Variants in CNIH3 observed in about 807,000 individuals in gnomAD.
CNIH3 encodes cornichon family AMPA receptor auxiliary protein 3.
Under a neutral mutation model 24.1 loss-of-function variants are expected in CNIH3, and 14 were observed. That is an observed-to-expected ratio of 0.58 (90% CI 0.38 to 0.91). CNIH3 has a LOEUF of 0.91. Among genes scored for constraint, CNIH3 ranks in the 40% least tolerant of loss-of-function variants. The pLI, the probability that CNIH3 is intolerant of heterozygous loss-of-function variation, is 0.00. For synonymous variants in CNIH3, 68 were observed against 73.8 expected, an observed-to-expected ratio of 0.92 and a Z score of 0.40; for missense variants, 178 against 196.8, an observed-to-expected ratio of 0.90 and a Z score of 0.57.
chr1:224,607,365 A>C (rs748851626), intron 3 of CNIH3, among the ~76,000 whole-genome samples: 4 of 152,224 alleles, frequency 2.6e-5, no homozygotes, highest in Non-Finnish European at 4.4e-5. Flanking sequence ...TTCAATATTT[A>C]AAGGGAAAAG....
chr1:224,555,823 T>C (rs1211691203), intron 3 of CNIH3, among the ~76,000 whole-genome samples: 1 of 152,228 alleles, frequency 6.6e-6, no homozygotes. Flanking sequence ...ACTGACTTTG[T>C]AGGTTCCGCA....
intron 3 of CNIH3, among the ~76,000 whole-genome samples, chr1:224,725,895 G>A (rs570413652): frequency 6.6e-6 from 1 of 152,234 alleles, no homozygotes; most frequent in African/African-American, 2.4e-5. Flanking sequence ...CTCCACCACA[G>A]TAGTAAAAAT....
intron 3 of CNIH3, among the ~76,000 whole-genome samples, chr1:224,701,362 G>A (rs1343554652): frequency 6.6e-6 from 1 of 152,110 alleles, no homozygotes; most frequent in Non-Finnish European, 1.5e-5. Flanking sequence ...AGATTAAGGT[G>A]CCAGACAATT....
chr1:224,501,385 C>A (rs1677658883), intron 1 of CNIH3, among the ~76,000 whole-genome samples: 1 of 152,026 alleles, frequency 6.6e-6, no homozygotes, highest in African/African-American at 2.4e-5. Context: ...GACAACAGCA[C>A]CATGAGGCAG....
chr1:224,653,514 G>A (rs1684960086), intron 1 of CNIH3, among the ~76,000 whole-genome samples: 1 of 151,988 alleles, frequency 6.6e-6, no homozygotes, highest in East Asian at 1.9e-4. Context: ...GTGTTTCTCA[G>A]TCTGGTGTTT....
At chr1:224,488,196 G>A (rs1276950870) in intron 1 of CNIH3, among the ~76,000 whole-genome samples, 1 of 151,938 alleles carries the variant, frequency 6.6e-6, no homozygotes, top group African/African-American at 2.4e-5. Context: ...TGGGGCCATA[G>A]CAATTTTGAG....
chr1:224,569,317 T>C (rs1049765245), intron 4 of CNIH3, among the ~76,000 whole-genome samples: 1 of 152,246 alleles, frequency 6.6e-6, no homozygotes, highest in Non-Finnish European at 1.5e-5. Context: ...AGACATTTGA[T>C]CTTGAGTTTC....
intron 1 of CNIH3, among the ~76,000 whole-genome samples, chr1:224,479,135 C>T (rs565399896): frequency 0.011 from 1,649 of 147,984 alleles, 9 homozygotes; most frequent in Non-Finnish European, 0.017. Context: ...CCCAGCAGTC[C>T]CCCAAAGTCT....
At chr1:224,712,159 C>T (rs151315648) in intron 3 of CNIH3, among the ~76,000 whole-genome samples, 19 of 152,348 alleles carry the variant, frequency 1.2e-4, no homozygotes, top group Non-Finnish European at 1.6e-4. Context: ...TGTTAATGAC[C>T]ATTTCAGCTG....
At chr1:224,545,367 T>C (rs569883292) in intron 2 of CNIH3, among the ~76,000 whole-genome samples, 3 of 152,366 alleles carry the variant, frequency 2.0e-5, no homozygotes, top group Admixed American at 6.5e-5. Context: ...GTTCAGAGTC[T>C]ACAATGAACT....
chr1:224,736,282 G>A (rs1453498082), intron 5 of CNIH3, among the ~76,000 whole-genome samples: 2 of 151,904 alleles, frequency 1.3e-5, no homozygotes, highest in Non-Finnish European at 2.9e-5. Context: ...GTACCACCAT[G>A]CTCGGCTAAT....
chr1:224,517,182 G>A (rs1678424401), intron 1 of CNIH3, among the ~76,000 whole-genome samples: 4 of 152,106 alleles, frequency 2.6e-5, no homozygotes, highest in Admixed American at 2.6e-4. Flanking sequence ...GGAGGTTGGC[G>A]GCGGTGGTGG....
intron 3 of CNIH3, among the ~76,000 whole-genome samples, chr1:224,560,778 A>G (rs1558160773): frequency 6.6e-6 from 1 of 152,120 alleles, no homozygotes. Flanking sequence ...ATATATTACA[A>G]TGTAATAATA....
At chr1:224,543,996 T>C (rs988618815) in intron 2 of CNIH3, among the ~76,000 whole-genome samples, 2 of 152,200 alleles carry the variant, frequency 1.3e-5, no homozygotes, top group African/African-American at 4.8e-5. Flanking sequence ...CTGTTCATTA[T>C]AATTCTGCAA....
intron 1 of CNIH3, among the ~76,000 whole-genome samples, chr1:224,505,962 G>A (rs1677891297): frequency 6.6e-6 from 1 of 152,190 alleles, no homozygotes; most frequent in African/African-American, 2.4e-5. Flanking sequence ...CTCTTGAAAT[G>A]ATTGGCTTAA....
At chr1:224,730,687 C>G in intron 4 of CNIH3, 113 bp downstream of exon 4, 2 of 656,634 alleles carry the variant, frequency 3.0e-6, no homozygotes. Context: ...TCATCCCTTC[C>G]TTTCTGGGTC....
At chr1:224,479,275 T>G (rs1572330669) in intron 1 of CNIH3, among the ~76,000 whole-genome samples, 2 of 145,624 alleles carry the variant, frequency 1.4e-5, no homozygotes, top group East Asian at 4.4e-4. Flanking sequence ...TGCCTCAGCC[T>G]CCCAAGTAGC....
intron 1 of CNIH3, among the ~76,000 whole-genome samples, chr1:224,443,711 A>ATATTT: frequency 1.3e-5 from 2 of 149,534 alleles, no homozygotes; most frequent in African/African-American, 4.9e-5. Context: ...ATATATATAT[A>ATATTT]TTTTTTTAGG....
At chr1:224,486,448 G>A (rs1397092258) in intron 1 of CNIH3, among the ~76,000 whole-genome samples, 1 of 152,122 alleles carries the variant, frequency 6.6e-6, no homozygotes, top group African/African-American at 2.4e-5. Flanking sequence ...AGCTTTCACT[G>A]TGTTTTGTTT....
Sources: allele counts gnomAD v4.1 joint callset (sites outside exome capture counted in the v4.1 genomes callset), GRCh38; gene constraint gnomAD v4.1.1; transcripts MANE v1.5; gene names NCBI Gene and HGNC (gene_info 2026-07-23, HGNC 2026-07-21).